The following KCNIP4 variants were observed in gnomAD, a reference collection of about 807,000 sequenced individuals.
KCNIP4 encodes potassium voltage-gated channel interacting protein 4, also known as Kv channel-interacting protein 4.
In KCNIP4, 12 loss-of-function variants were observed where a neutral mutation model predicts 34.0. The observed-to-expected ratio is 0.35, with a 90% CI of 0.23 to 0.57. The LOEUF (loss-of-function observed/expected upper bound fraction) is 0.57, where lower values mean the gene tolerates loss of function less well. Ranked by LOEUF, KCNIP4 falls within the 20% of genes least tolerant of loss-of-function variation. The probability of loss-of-function intolerance (pLI) is 0.83; values close to 1 mark genes in which losing one functional copy is unlikely to be tolerated. For missense variants in KCNIP4, 238 were observed against 311.7 expected (o/e 0.76, Z 1.78); for synonymous variants, 124 against 102.2 (o/e 1.21, Z -1.29).
chr4:20,776,915 A>T (rs1323727514), intron 3 of KCNIP4, among the ~76,000 whole-genome samples: 1 of 151,608 alleles, frequency 6.6e-6, no homozygotes, highest in Non-Finnish European at 1.5e-5. Context: ...ATTACTTTAG[A>T]TCAAAACACA....
chr4:21,139,813 G>T (rs994785202), intron 1 of KCNIP4, among the ~76,000 whole-genome samples: 1 of 152,082 alleles, frequency 6.6e-6, no homozygotes, highest in African/African-American at 2.4e-5. Flanking sequence ...CCTCCTGAGG[G>T]GCTGTTTCCG....
chr4:21,146,415 A>T (rs956858479), intron 1 of KCNIP4, among the ~76,000 whole-genome samples: 11 of 150,310 alleles, frequency 7.3e-5, no homozygotes, highest in Non-Finnish European at 3.0e-5. Flanking sequence ...GAAAAAAAAA[A>T]GTGGAAGACC....
At chr4:21,208,118 A>G (rs1483999785) in intron 1 of KCNIP4, among the ~76,000 whole-genome samples, 1 of 152,144 alleles carries the variant, frequency 6.6e-6, no homozygotes, top group Non-Finnish European at 1.5e-5. Context: ...CAGGGATTAC[A>G]GGTGTGCGCC....
rs556692545 is a variant in KCNIP4 at position 21,236,954 on chromosome 4, C to T, written c.62-354245G>A. ...CTGGGAGGCAGAGGTTACAGTGAGC[C>T]GAGATCGTGCCACTGCACTCCAGCC... On this transcript the variant is annotated intron_variant, in intron 1 of 8. Transcript: ENST00000382152. Among the ~76,000 whole-genome samples, 58 of 150,926 alleles carry T rather than the reference C, an allele frequency of 3.8e-4. 1 individual carries two copies. The highest frequency in any genetic ancestry group is 8.4e-4 in the South Asian group (4 of 4,788).
At chr4:21,108,369 C>T (rs548299892) in intron 1 of KCNIP4, among the ~76,000 whole-genome samples, 1 of 151,066 alleles carries the variant, frequency 6.6e-6, no homozygotes, top group Admixed American at 6.6e-5. Flanking sequence ...CACTGATACC[C>T]TTTCTTCCAG....
At chr4:20,980,085 T>A (rs1282668112) in intron 1 of KCNIP4, among the ~76,000 whole-genome samples, 2 of 152,236 alleles carry the variant, frequency 1.3e-5, no homozygotes, top group Non-Finnish European at 2.9e-5. Flanking sequence ...AAACCTTCTC[T>A]GGAGTCCTTT....
intron 1 of KCNIP4, among the ~76,000 whole-genome samples, chr4:21,765,431 T>C (rs1193899963): frequency 6.6e-6 from 1 of 152,052 alleles, no homozygotes. Context: ...CATGTGTCCA[T>C]GTTGCTTAAC....
chr4:21,677,900 T>C (rs1374727300), intron 1 of KCNIP4, among the ~76,000 whole-genome samples: 1 of 152,002 alleles, frequency 6.6e-6, no homozygotes, highest in African/African-American at 2.4e-5. Flanking sequence ...CAGCCATGAG[T>C]CACCACACCT....
intron 1 of KCNIP4, among the ~76,000 whole-genome samples, chr4:21,017,195 C>A (rs2149741702): frequency 6.6e-6 from 1 of 152,230 alleles, no homozygotes; most frequent in East Asian, 1.9e-4. Flanking sequence ...ATTATTTTAT[C>A]TTATTTTAAG....
At position 21,791,976 on chromosome 4, in the gene KCNIP4, T is replaced by C. The variant is rs1311289401; in HGVS notation, c.61+156595A>G. 7.3e-5 allele frequency among the ~76,000 whole-genome samples: 8 copies of C among 109,364 alleles called. 1 individual carries two copies. The highest frequency in any genetic ancestry group is 1.2e-4 in the Non-Finnish European group (7 of 60,532). The allele number at this position is 109,364 out of a possible 152,430, so 71.7% of individuals were successfully genotyped here. The stretch of plus-strand genomic sequence containing the variant: ...GAGATTGCACCGCTGTACTCCAGCC[T>C]GGTGACAGAATGAGACTCCGTCTCA... On this transcript the variant is annotated intron_variant, in intron 1 of 8. Coordinates refer to ENST00000382152, the MANE Select transcript of KCNIP4 (RefSeq NM_025221.6).
At chr4:21,677,591 G>A (rs1750009155) in intron 1 of KCNIP4, among the ~76,000 whole-genome samples, 1 of 152,112 alleles carries the variant, frequency 6.6e-6, no homozygotes, top group African/African-American at 2.4e-5. Context: ...GGCCTGTAGG[G>A]CATCCTGTTC....
chr4:21,183,350 T>C (rs1343334184), intron 1 of KCNIP4, among the ~76,000 whole-genome samples: 1 of 152,124 alleles, frequency 6.6e-6, no homozygotes, highest in East Asian at 1.9e-4. Flanking sequence ...TTCCTTTGGA[T>C]ATATTTATTT....
At chr4:21,092,414 A>G (rs1453386664) in intron 1 of KCNIP4, among the ~76,000 whole-genome samples, 1 of 152,132 alleles carries the variant, frequency 6.6e-6, no homozygotes, top group Non-Finnish European at 1.5e-5. Context: ...TAGATTACAG[A>G]TACAATCCAC....
At chr4:21,877,374 A>G (rs2109377087) in intron 1 of KCNIP4, among the ~76,000 whole-genome samples, 1 of 152,222 alleles carries the variant, frequency 6.6e-6, no homozygotes, top group Admixed American at 6.5e-5. Flanking sequence ...AAATAAATAA[A>G]TAAATAAAAC....
intron 1 of KCNIP4, among the ~76,000 whole-genome samples, chr4:21,475,361 T>A (rs1403913354): frequency 1.3e-5 from 2 of 152,096 alleles, no homozygotes; most frequent in African/African-American, 4.8e-5. Context: ...GTGACAGAAG[T>A]GAAAGCGGAG....
At chr4:20,987,757 T>G (rs1036500241) in intron 1 of KCNIP4, among the ~76,000 whole-genome samples, 18 of 151,786 alleles carry the variant, frequency 1.2e-4, no homozygotes, top group Non-Finnish European at 1.2e-4. Flanking sequence ...CCCAGCATTT[T>G]GGGAGGCCGA....
intron 1 of KCNIP4, among the ~76,000 whole-genome samples, chr4:21,916,531 A>G (rs1728642001): frequency 6.6e-6 from 1 of 152,180 alleles, no homozygotes; most frequent in South Asian, 2.1e-4. Context: ...TACAGTTTCA[A>G]CAGAAGCAAT....
chr4:21,505,954 T>G (rs564418174), intron 1 of KCNIP4, among the ~76,000 whole-genome samples: 18 of 151,844 alleles, frequency 1.2e-4, no homozygotes, highest in Non-Finnish European at 2.2e-4. Flanking sequence ...AATACAAAAA[T>G]TAGCAGGGTG....
intron 1 of KCNIP4, among the ~76,000 whole-genome samples, chr4:21,065,885 CAGA>C (rs946020050): frequency 6.6e-6 from 1 of 151,182 alleles, no homozygotes; most frequent in African/African-American, 2.4e-5. Flanking sequence ...ATCACGACCC[CAGA>C]AGAATAATGA....
Sources: gnomAD v4.1 joint callset for allele counts (sites outside exome capture counted in the v4.1 genomes callset) on GRCh38, gnomAD v4.1.1 for gene constraint, MANE v1.5 for transcripts, NCBI Gene and HGNC (gene_info 2026-07-23, HGNC 2026-07-21) for gene names.